The following METTL15 variants were observed in gnomAD, a reference collection of about 807,000 sequenced individuals.
METTL15 encodes the protein methyltransferase 15, mitochondrial 12S rRNA N4-cytidine, also known as 12S rRNA N(4)-cytidine methyltransferase METTL15.
METTL15 carries 34 observed loss-of-function variants against 38.3 expected under a neutral mutation model. The ratio of observed to expected loss-of-function variants is 0.89; its 90% CI spans 0.68 to 1.18. The LOEUF (loss-of-function observed/expected upper bound fraction) is 1.18, where lower values mean the gene tolerates loss of function less well. Among genes scored for constraint, METTL15 ranks in the 50% most tolerant of loss-of-function variants. The probability of loss-of-function intolerance (pLI) is 0.00; values close to 1 mark genes in which losing one functional copy is unlikely to be tolerated. For missense variants in METTL15, 438 were observed against 498.4 expected (o/e 0.88, Z 1.15); for synonymous variants, 162 against 170.9 (o/e 0.95, Z 0.41).
chr11:28,394,348 A>G (rs545640606), intron 5 of METTL15, among the ~76,000 whole-genome samples: 8 of 152,226 alleles, frequency 5.3e-5, no homozygotes, highest in Admixed American at 4.6e-4. Context: ...CACAACACAA[A>G]TGCTGAGGGA....
intron 3 of METTL15, among the ~76,000 whole-genome samples, chr11:28,172,804 G>C (rs1850905921): frequency 6.6e-6 from 1 of 152,174 alleles, no homozygotes; most frequent in African/African-American, 2.4e-5. Flanking sequence ...TGAATAGACA[G>C]AAAATAGCAT....
intron 3 of METTL15, among the ~76,000 whole-genome samples, chr11:28,136,956 C>T (rs139804335): frequency 7.0e-4 from 106 of 151,374 alleles, no homozygotes; most frequent in African/African-American, 2.3e-3. Context: ...CATGAAAATC[C>T]TGTTTAAGAG....
chr11:28,201,703 G>T (rs921931551), intron 3 of METTL15, among the ~76,000 whole-genome samples: 2 of 149,750 alleles, frequency 1.3e-5, no homozygotes, highest in Admixed American at 6.7e-5. Context: ...ATGGTAGTTT[G>T]TATTTCTGGG....
intron 4 of METTL15, among the ~76,000 whole-genome samples, chr11:28,254,831 T>C (rs1471889053): frequency 6.6e-6 from 1 of 152,116 alleles, no homozygotes; most frequent in Admixed American, 6.6e-5. Flanking sequence ...TTCCATTGGC[T>C]TGTGTGTCTG....
chr11:28,285,622 A>G (rs1252697769), intron 4 of METTL15, among the ~76,000 whole-genome samples: 1 of 152,130 alleles, frequency 6.6e-6, no homozygotes, highest in Non-Finnish European at 1.5e-5. Flanking sequence ...TCAGGAGTAC[A>G]TTGTATTTTA....
intron 6 of METTL15, among the ~76,000 whole-genome samples, chr11:28,515,658 A>C (rs983399602): frequency 6.6e-6 from 1 of 152,250 alleles, no homozygotes; most frequent in Non-Finnish European, 1.5e-5. Context: ...CAGAGATCAT[A>C]TGGCAATAAG....
chr11:28,184,110 A>G (rs1851402120), intron 3 of METTL15, among the ~76,000 whole-genome samples: 1 of 151,414 alleles, frequency 6.6e-6, no homozygotes, highest in South Asian at 2.1e-4. Flanking sequence ...GATATCCCTC[A>G]TATTATTTTT....
intron 6 of METTL15, among the ~76,000 whole-genome samples, chr11:28,299,683 G>A (rs1163113347): frequency 6.6e-6 from 1 of 152,116 alleles, no homozygotes; most frequent in African/African-American, 2.4e-5. Context: ...AGACACAATT[G>A]GAAGGGCACA....
chr11:28,485,235 CAAGAA>C (rs71909949), intron 6 of METTL15, among the ~76,000 whole-genome samples: 66,146 of 150,570 alleles, frequency 0.44, 15,236 homozygotes, highest in Admixed American at 0.53. Context: ...TTATTGAATG[CAAGAA>C]AAGAAAAGAA....
intron 4 of METTL15, among the ~76,000 whole-genome samples, chr11:28,265,726 C>A (rs1034718382): frequency 8.5e-5 from 13 of 152,120 alleles, no homozygotes; most frequent in African/African-American, 2.7e-4. Context: ...TCATACAAAT[C>A]TTTTCTCTTG....
rs1849802277 is a variant in METTL15 at position 28,331,022 on chromosome 11, T to C, written c.*181T>C. On this transcript the variant is annotated 3_prime_UTR_variant, in exon 7 of 7. Coordinates refer to ENST00000407364, the MANE Select transcript of METTL15 (RefSeq NM_001113528.2). ...AAATACATGACAGAGAAAGTTACAC[T>C]CAGGGAGCAGCAGCACCTCCAGACT... The C allele has an allele frequency of 2.1e-6, 1 of 483,002 alleles. No individual in the cohort carries two copies. Among genetic ancestry groups the C allele is most frequent in the Admixed American group, 4.0e-5 (1 of 24,826 alleles). 29.9% of individuals were successfully genotyped at this position (483,002 alleles called of 1,614,324 possible). A position where few individuals can be genotyped will look rare whatever the true frequency, so the allele number is the denominator to read the frequency against.
intron 6 of METTL15, among the ~76,000 whole-genome samples, chr11:28,307,439 A>G (rs764759871): frequency 6.6e-6 from 1 of 151,964 alleles, no homozygotes; most frequent in African/African-American, 2.4e-5. Flanking sequence ...TGTTTATACA[A>G]TGAGCTTGAC....
intron 4 of METTL15, among the ~76,000 whole-genome samples, chr11:28,243,002 C>T (rs1341968768): frequency 1.3e-5 from 2 of 151,302 alleles, no homozygotes; most frequent in African/African-American, 4.9e-5. Context: ...CAGAACTGAC[C>T]CTATGTATTT....
At chr11:28,366,447 A>G (rs772297763) in intron 5 of METTL15, among the ~76,000 whole-genome samples, 1 of 152,060 alleles carries the variant, frequency 6.6e-6, no homozygotes, top group Non-Finnish European at 1.5e-5. Flanking sequence ...AGGAGCAATG[A>G]GTAGAAACTA....
intron 3 of METTL15, among the ~76,000 whole-genome samples, chr11:28,346,838 A>C (rs1850000648): frequency 6.6e-6 from 1 of 152,186 alleles, no homozygotes; most frequent in African/African-American, 2.4e-5. Context: ...CAGGGAAAAG[A>C]GAATTATGTA....
At chr11:28,396,195 G>T (rs1850566690) in intron 5 of METTL15, among the ~76,000 whole-genome samples, 3 of 152,178 alleles carry the variant, frequency 2.0e-5, no homozygotes, top group Admixed American at 2.0e-4. Flanking sequence ...AGACAGGGAT[G>T]CCCTCTCTCA....
At chr11:28,524,212 T>C (rs571555817) in intron 6 of METTL15, among the ~76,000 whole-genome samples, 75 of 152,286 alleles carry the variant, frequency 4.9e-4, no homozygotes, top group African/African-American at 1.8e-3. Flanking sequence ...TTTTTGAAAA[T>C]CACTTCAAGA....
chr11:28,477,020 AC>A (rs1362260221), intron 6 of METTL15, among the ~76,000 whole-genome samples: 1 of 152,150 alleles, frequency 6.6e-6, no homozygotes, highest in Non-Finnish European at 1.5e-5. Context: ...GAAGCAAGAG[AC>A]AGAAAGAGAA....
At chr11:28,443,084 G>C (rs976983719) in intron 6 of METTL15, among the ~76,000 whole-genome samples, 1 of 152,148 alleles carries the variant, frequency 6.6e-6, no homozygotes, top group Admixed American at 6.5e-5. Flanking sequence ...CCATCACCCT[G>C]ACATCACTTT....
Sources: allele counts gnomAD v4.1 joint callset (sites outside exome capture counted in the v4.1 genomes callset), GRCh38; gene constraint gnomAD v4.1.1; transcripts MANE v1.5; gene names NCBI Gene and HGNC (gene_info 2026-07-23, HGNC 2026-07-21).